ZZZ3: variants seen among roughly 807,000 people sequenced by gnomAD.
ZZZ3 encodes ZZ-type zinc finger-containing protein 3.
In ZZZ3, 22 loss-of-function variants were observed where a neutral mutation model predicts 95.2. The observed-to-expected ratio is 0.23, with a 90% confidence interval of 0.17 to 0.33. The LOEUF (loss-of-function observed/expected upper bound fraction) is 0.33. Among genes scored for constraint, ZZZ3 ranks in the 10% least tolerant of loss-of-function variants. The probability of loss-of-function intolerance (pLI) is 1.00; values close to 1 mark genes in which losing one functional copy is unlikely to be tolerated. For missense variants in ZZZ3, 885 were observed against 1,066.5 expected, an observed-to-expected ratio of 0.83 and a Z score of 2.37; for synonymous variants, 335 against 358.9, an observed-to-expected ratio of 0.93 and a Z score of 0.75.
At position 77,654,016 on chromosome 1, in the gene ZZZ3, G is replaced by A. The variant is rs752323364; in HGVS notation, c.-402-12361C>T. On this transcript the variant is annotated intron_variant, in intron 1 of 14. Coordinates refer to ENST00000370801, the MANE Select transcript of ZZZ3 (RefSeq NM_015534.6). ...ATCCTGGCTAACACGGTGAAACCCCGTCTCTACTAAAAATACAAAAAATTA... is the reference window on the plus strand; with the variant it reads ...ATCCTGGCTAACACGGTGAAACCCCATCTCTACTAAAAATACAAAAAATTA... Among the ~76,000 whole-genome samples, 25 of 151,506 alleles carry A rather than the reference G, an allele frequency of 1.7e-4. No individual in the cohort carries two copies. The East Asian group carries it at 3.7e-3, about 23-fold the overall frequency.
chr1:77,630,338 T>A (rs1243763572), intron 5 of ZZZ3, among the ~76,000 whole-genome samples: 2 of 151,138 alleles, frequency 1.3e-5, no homozygotes, highest in Non-Finnish European at 2.9e-5. Context: ...TAGCCAGGAG[T>A]GGTGGCATGT....
chr1:77,578,866 C>T lies in ZZZ3; in HGVS notation c.2086G>A (p.Ala696Thr). The change falls in exon 11 of 15, where the codon GCC becomes ACC. Residue 696 changes from alanine (A) to threonine (T), a missense_variant. Around this residue, in one of 5 missense-constraint regions of ZZZ3, gnomAD observed 221 missense variants for 247.8 expected, o/e 0.89. Coordinates refer to ENST00000370801, the MANE Select transcript of ZZZ3 (RefSeq NM_015534.6). ...ELGNRTAKQV[A>T]SRVQKYFIKL... Reference sequence around the variant, plus strand: ...ATGAAATACTTCTGTACTCGGCTGGCAACCTAAGGAAACATGACAAGTCTC... The same window carrying T: ...ATGAAATACTTCTGTACTCGGCTGGTAACCTAAGGAAACATGACAAGTCTC... 1 of 1,551,640 alleles carries T rather than the reference C, an allele frequency of 6.4e-7. No homozygotes were observed. The highest frequency in any genetic ancestry group is 8.7e-7 in the Non-Finnish European group (1 of 1,154,194).
intron 11 of ZZZ3, 69 bp from the exon 12 acceptor site, chr1:77,576,289 A>G: frequency 7.9e-7 from 1 of 1,259,072 alleles, no homozygotes; most frequent in Non-Finnish European, 1.1e-6. Flanking sequence ...ATATAAAAAT[A>G]CAAATGTTAC....
At chr1:77,610,754 C>T (rs1448923925) in intron 5 of ZZZ3, among the ~76,000 whole-genome samples, 1 of 151,510 alleles carries the variant, frequency 6.6e-6, no homozygotes, top group African/African-American at 2.4e-5. Context: ...CAAAGTTTGA[C>T]ATCCCTTCAT....
At chr1:77,567,746 C>A (rs1660965385) in intron 13 of ZZZ3, among the ~76,000 whole-genome samples, 1 of 152,068 alleles carries the variant, frequency 6.6e-6, no homozygotes, top group African/African-American at 2.4e-5. Flanking sequence ...ATGTGTATTA[C>A]AAAATTCTGC....
At chr1:77,635,104 T>C (rs899852248) in intron 4 of ZZZ3, among the ~76,000 whole-genome samples, 11 of 152,098 alleles carry the variant, frequency 7.2e-5, no homozygotes, top group African/African-American at 1.9e-4. Context: ...AGTGGAAAGT[T>C]TGGAAGAATT....
At chr1:77,583,678 G>A (rs140413890) in intron 6 of ZZZ3, among the ~76,000 whole-genome samples, 657 of 152,100 alleles carry the variant, frequency 4.3e-3, no homozygotes, top group Middle Eastern at 0.027. Flanking sequence ...ACTAAAAACA[G>A]GTAACTCATA....
chr1:77,676,089 A>C (rs1177354920), intron 1 of ZZZ3, among the ~76,000 whole-genome samples: 1 of 152,210 alleles, frequency 6.6e-6, no homozygotes, highest in African/African-American at 2.4e-5. Flanking sequence ...CTAAACTGTT[A>C]ATCTTAGGAG....
In ZZZ3 at chr1:77,632,314, T is replaced by C. The variant is rs1667881096; in HGVS notation, c.1041A>G (p.Pro347=). Residue 347 remains proline (P), a synonymous_variant, in exon 5 of 15, where the codon CCA becomes CCG. Coordinates refer to ENST00000370801, the MANE Select transcript of ZZZ3 (RefSeq NM_015534.6). ...NELDTSLESM[P]ASGEPEPSPV... Reference sequence around the variant, plus strand: ...GAGATGGTTCAGGTTCTCCGGAGGCTGGCATACTCTCAAGACTTGTGTCCA... The same window carrying C: ...GAGATGGTTCAGGTTCTCCGGAGGCCGGCATACTCTCAAGACTTGTGTCCA... 6.2e-7 allele frequency: 1 copy of C among 1,614,208 alleles called. No individual in the cohort carries two copies. The highest frequency in any genetic ancestry group is 8.5e-7 in the Non-Finnish European group (1 of 1,180,026).
intron 5 of ZZZ3, among the ~76,000 whole-genome samples, chr1:77,623,914 T>C (rs1045192241): frequency 1.3e-5 from 2 of 151,692 alleles, no homozygotes; most frequent in African/African-American, 4.8e-5. Flanking sequence ...AAGATTCCAC[T>C]GAAAAGTAAG....
At chr1:77,654,455 C>T (rs978347012) in intron 1 of ZZZ3, among the ~76,000 whole-genome samples, 3 of 151,982 alleles carry the variant, frequency 2.0e-5, no homozygotes, top group African/African-American at 7.2e-5. Context: ...TCCTCATAAA[C>T]ATAGATGTAA....
At chr1:77,654,091 G>A (rs777089200) in intron 1 of ZZZ3, among the ~76,000 whole-genome samples, 10 of 151,600 alleles carry the variant, frequency 6.6e-5, no homozygotes, top group Non-Finnish European at 1.5e-4. Context: ...GGGAGGCTGA[G>A]GCAGGGGAAT....
chr1:77,620,484 TGGAAGGAAGGAAGGAA>T (rs67469701), intron 5 of ZZZ3, among the ~76,000 whole-genome samples: 2,519 of 135,816 alleles, frequency 0.019, 66 homozygotes, highest in African/African-American at 0.059. Flanking sequence ...AACGAAAGAA[TGGAAGGAAGGAAGGAA>T]GGAAGGAAGG....
intron 3 of ZZZ3, among the ~76,000 whole-genome samples, chr1:77,639,893 A>G (rs1668612505): frequency 6.6e-6 from 1 of 151,428 alleles, no homozygotes; most frequent in Non-Finnish European, 1.5e-5. Context: ...ACATTGCTCT[A>G]AGGGAGTATT....
At position 77,566,103 on chromosome 1, in the gene ZZZ3, A is replaced by T; in HGVS notation, c.2545T>A (p.Phe849Ile). Residue 849 changes from phenylalanine (F) to isoleucine (I), a missense_variant, in exon 14 of 15, where the codon TTC (phenylalanine) becomes ATC (isoleucine). Coordinates refer to ENST00000370801, the MANE Select transcript of ZZZ3 (RefSeq NM_015534.6). ...QDCPPEMSLD[F>I]CDSCSDCLHE... ...TACCAGTCTGAACAAGAATCACAGA[A>T]ATCCAAAGACATTTCTGGAGGACAA... 1 of 1,613,192 alleles carries T rather than the reference A, an allele frequency of 6.2e-7. No individual in the cohort carries two copies. The highest frequency in any genetic ancestry group is 8.5e-7 in the Non-Finnish European group (1 of 1,179,530).
intron 5 of ZZZ3, among the ~76,000 whole-genome samples, chr1:77,614,567 A>G (rs376160809): frequency 6.6e-6 from 1 of 152,224 alleles, no homozygotes; most frequent in African/African-American, 2.4e-5. Context: ...TTATATTACA[A>G]GACAAACTCA....
chr1:77,645,729 G>A (rs1052174323), intron 1 of ZZZ3: 1 of 152,156 alleles, frequency 6.6e-6, no homozygotes, highest in African/African-American at 2.4e-5. Flanking sequence ...GCAGCACTTT[G>A]GGAGGCTGAG....
At chr1:77,587,156 A>G (rs1284467683) in intron 5 of ZZZ3, among the ~76,000 whole-genome samples, 1 of 148,864 alleles carries the variant, frequency 6.7e-6, no homozygotes, top group African/African-American at 2.4e-5. Flanking sequence ...GTTGCTGGGG[A>G]TGGAGGATGG....
In ZZZ3 at chr1:77,564,986, A is replaced by G. The variant is rs1317360502; in HGVS notation, c.*654T>C. 2 of 152,676 alleles carry G rather than the reference A, an allele frequency of 1.3e-5. No individual in the cohort carries two copies. The highest frequency in any genetic ancestry group is 4.8e-5 in the African/African-American group (2 of 41,458). 9.5% of individuals were successfully genotyped at this position (152,676 alleles called of 1,614,324 possible). A position where few individuals can be genotyped will look rare whatever the true frequency, so the allele number is the denominator to read the frequency against. ...AAAAATATATCTGAGTGACAATTTTATAACATTCACACACCATGAGCTGGT... is the reference window on the plus strand; with the variant it reads ...AAAAATATATCTGAGTGACAATTTTGTAACATTCACACACCATGAGCTGGT... On this transcript the variant is annotated 3_prime_UTR_variant, in exon 15 of 15. Transcript: ENST00000370801.
Sources: gnomAD v4.1 joint callset for allele counts (sites outside exome capture counted in the v4.1 genomes callset) on GRCh38, gnomAD v4.1.1 for gene constraint, gnomAD v4.1.1 regional missense constraint, MANE v1.5 for transcripts, NCBI Gene and HGNC (gene_info 2026-07-23, HGNC 2026-07-21) for gene names.